GPR149: variants seen among roughly 807,000 people sequenced by gnomAD.
GPR149 encodes G protein-coupled receptor 149, also known as probable G protein-coupled receptor 149.
A neutral mutation model predicts 50.2 loss-of-function variants in GPR149; 50 were observed. The ratio of observed to expected loss-of-function variants is 1.00; its 90% CI spans 0.79 to 1.26. The LOEUF (loss-of-function observed/expected upper bound fraction) is 1.26, where lower values mean the gene tolerates loss of function less well. Among genes scored for constraint, GPR149 ranks in the 50% most tolerant of loss-of-function variants. GPR149 has a pLI of 0.00. For synonymous variants in GPR149, 405 were observed against 358.2 expected, an observed-to-expected ratio of 1.13 and a Z score of -1.48; for missense variants, 983 against 895.4, an observed-to-expected ratio of 1.10 and a Z score of -1.25.
In GPR149 at chr3:154,340,978, C is replaced by T. The variant is rs1713778110; in HGVS notation, c.1624-2707G>A. On this transcript the variant is annotated intron_variant, in intron 3 of 3. Coordinates refer to ENST00000389740, the MANE Select transcript of GPR149 (RefSeq NM_001038705.3). ...CTCATGAACTCCCTGCCTCGGCCTC[C>T]CAAAGGGCTGGGATTACAGGCGTGA... 2.6e-5 allele frequency among the ~76,000 whole-genome samples: 4 copies of T among 152,180 alleles called. No homozygotes were observed. In the South Asian group the frequency reaches 8.3e-4, roughly 32 times the overall value.
chr3:154,428,815 G>T lies in GPR149; in HGVS notation c.801C>A (p.Cys267Ter). The change falls in exon 1 of 4, where the codon TGC (cysteine) becomes TGA (stop). Residue 267 changes from cysteine (C) to a stop codon, truncating the protein, a stop_gained. Coordinates refer to ENST00000389740, the MANE Select transcript of GPR149 (RefSeq NM_001038705.3). LOFTEE classifies it high-confidence loss of function. ...PGPSLRRSGGCSPSSDTVFGP... is the reference protein window; with the variant it reads ...PGPSLRRSGG The stretch of plus-strand genomic sequence containing the variant: ...CGAACACGGTGTCGGAGCTCGGAGA[G>T]CATCCCCCAGAGCGCCGCAGACTCG... 6.2e-7 allele frequency: 1 copy of T among 1,613,806 alleles called. No individual in the cohort carries two copies. Among genetic ancestry groups the T allele is most frequent in the South Asian group, 1.1e-5 (1 of 91,072 alleles).
chr3:154,345,347 A>G (rs1217377887), intron 3 of GPR149, among the ~76,000 whole-genome samples: 1 of 152,234 alleles, frequency 6.6e-6, no homozygotes, highest in Non-Finnish European at 1.5e-5. Flanking sequence ...TTATGAAAAT[A>G]AAATATTATG....
chr3:154,428,229 C>G (rs912595348), intron 1 of GPR149, among the ~76,000 whole-genome samples: 2 of 152,190 alleles, frequency 1.3e-5, no homozygotes, highest in Admixed American at 6.5e-5. Flanking sequence ...GGGCGTCGTC[C>G]TCTCTAGGCG....
intron 3 of GPR149, among the ~76,000 whole-genome samples, chr3:154,364,112 T>C (rs1714476664): frequency 6.6e-6 from 1 of 152,156 alleles, no homozygotes; most frequent in African/African-American, 2.4e-5. Flanking sequence ...AACCAAGGTA[T>C]GGGAGTGAAG....
intron 3 of GPR149, among the ~76,000 whole-genome samples, chr3:154,340,374 G>T (rs535489874): frequency 6.6e-6 from 1 of 152,354 alleles, no homozygotes; most frequent in African/African-American, 2.4e-5. Context: ...GGACCACACA[G>T]GTTCATCACA....
At position 154,335,190 on chromosome 3, in the gene GPR149, C is replaced by G. The variant is rs1422194282; in HGVS notation, c.*2509G>C. 1 of 151,936 alleles carries G rather than the reference C, an allele frequency of 6.6e-6. No homozygotes were observed. Among genetic ancestry groups the G allele is most frequent in the Non-Finnish European group, 1.5e-5 (1 of 67,966 alleles). 9.4% of individuals were successfully genotyped at this position (151,936 alleles called of 1,614,324 possible). On this transcript the variant is annotated 3_prime_UTR_variant, in exon 4 of 4. Transcript: ENST00000389740. Reference sequence around the variant, plus strand: ...ATCAATTTATAGAGAAAAGAGAAAACTATACAAAATATAGTATTTATTAAT... The same window carrying G: ...ATCAATTTATAGAGAAAAGAGAAAAGTATACAAAATATAGTATTTATTAAT...
intron 3 of GPR149, among the ~76,000 whole-genome samples, chr3:154,385,300 T>C (rs696852): frequency 0.96 from 145,870 of 152,284 alleles, 69,966 homozygotes; most frequent in East Asian, 1. Context: ...ATGGAAAATT[T>C]AGAGCGGGCT....
rs577378852 is a variant in GPR149, at chr3:154,357,743, G to A, written c.1624-19472C>T. On this transcript the variant is annotated intron_variant, in intron 3 of 3. Transcript: ENST00000389740. ...GGAAGTCAGTGTGGCAATGGCTCAG[G>A]CATCTAGAACTAGAAATACCATTTG... Among the ~76,000 whole-genome samples, 190 of 152,314 alleles carry A rather than the reference G, an allele frequency of 1.2e-3. 1 individual carries two copies. The highest frequency in any genetic ancestry group is 4.3e-3 in the African/African-American group (178 of 41,570).
chr3:154,347,760 A>T (rs1713969994), intron 3 of GPR149, among the ~76,000 whole-genome samples: 2 of 152,238 alleles, frequency 1.3e-5, no homozygotes, highest in African/African-American at 2.4e-5. Context: ...GATGCCACTG[A>T]GGATCTAAGA....
chr3:154,387,620 A>G (rs1364357361), intron 3 of GPR149, among the ~76,000 whole-genome samples: 1 of 152,160 alleles, frequency 6.6e-6, no homozygotes, highest in East Asian at 1.9e-4. Flanking sequence ...CAGTTCAATC[A>G]TCTACTATCT....
intron 3 of GPR149, 65 bp downstream of exon 3, chr3:154,420,974 G>A: frequency 8.5e-7 from 1 of 1,172,316 alleles, no homozygotes; most frequent in Non-Finnish European, 1.2e-6. Context: ...AACTGATAAT[G>A]TTTTTCATGA....
At chr3:154,423,956 G>A (rs558814287) in intron 2 of GPR149, among the ~76,000 whole-genome samples, 7 of 151,820 alleles carry the variant, frequency 4.6e-5, no homozygotes, top group South Asian at 2.1e-4. Flanking sequence ...CCATTAACTC[G>A]TCATTTACAT....
rs1405711717 is a variant in GPR149, at chr3:154,335,566, A to G, written c.*2133T>C. On this transcript the variant is annotated 3_prime_UTR_variant, in exon 4 of 4. Coordinates refer to ENST00000389740, the MANE Select transcript of GPR149 (RefSeq NM_001038705.3). ...TGCAGCAGAATTTTTATGTGCATCC[A>G]TTATACAGTTAATTCAACAACCAAG... 1 of 152,170 alleles carries G rather than the reference A, an allele frequency of 6.6e-6. No individual in the cohort carries two copies. Among genetic ancestry groups the G allele is most frequent in the East Asian group, 1.9e-4 (1 of 5,198 alleles). 9.4% of individuals were successfully genotyped at this position (152,170 alleles called of 1,614,324 possible).
At position 154,351,311 on chromosome 3, in the gene GPR149, T is replaced by TGCAAAAAAAAAAAAA. The variant is rs1341107044; in HGVS notation, c.1624-13041_1624-13040insTTTTTTTTTTTTTGC. ...GTGCTAGGGCAATTAGACATCCACA[T>TGCAAAAAAAAAAAAA]ACAAAAAAAAAAAAAAAAAAAAAAA... On this transcript the variant is annotated intron_variant, in intron 3 of 3. Coordinates refer to ENST00000389740, the MANE Select transcript of GPR149 (RefSeq NM_001038705.3). Among the ~76,000 whole-genome samples, 5 of 19,680 alleles carry TGCAAAAAAAAAAAAA rather than the reference T, an allele frequency of 2.5e-4. 2 individuals carry two copies. The highest frequency in any genetic ancestry group is 3.5e-4 in the Non-Finnish European group (4 of 11,340). 12.9% of individuals were successfully genotyped at this position (19,680 alleles called of 152,430 possible). A position where few individuals can be genotyped will look rare whatever the true frequency, so the allele number is the denominator to read the frequency against.
chr3:154,381,018 C>A (rs1211500576), intron 3 of GPR149, among the ~76,000 whole-genome samples: 1 of 152,198 alleles, frequency 6.6e-6, no homozygotes, highest in African/African-American at 2.4e-5. Flanking sequence ...CAGGTCTCCA[C>A]ACTCAGAATT....
At chr3:154,414,741 T>A (rs947779886) in intron 3 of GPR149, among the ~76,000 whole-genome samples, 3 of 151,898 alleles carry the variant, frequency 2.0e-5, no homozygotes, top group Non-Finnish European at 2.9e-5. Flanking sequence ...TTCTGTCAAT[T>A]GAAAAATAAG....
Position 154,336,216 on chromosome 3 carries a change from A to G in GPR149, c.*1483T>C, listed in dbSNP as rs1431358562. The G allele has an allele frequency of 6.6e-6, 1 of 152,116 alleles. No homozygotes were observed. Among genetic ancestry groups the G allele is most frequent in the Non-Finnish European group, 1.5e-5 (1 of 67,952 alleles). 9.4% of individuals were successfully genotyped at this position (152,116 alleles called of 1,614,324 possible). ...GATATTGAGAAGTTAAAGATTGAGA[A>G]AGTCCATTGAGATAATTATTTTGAA... On this transcript the variant is annotated 3_prime_UTR_variant, in exon 4 of 4. Coordinates refer to ENST00000389740, the MANE Select transcript of GPR149 (RefSeq NM_001038705.3).
At chr3:154,344,552 G>A (rs1273270304) in intron 3 of GPR149, among the ~76,000 whole-genome samples, 1 of 152,174 alleles carries the variant, frequency 6.6e-6, no homozygotes, top group Non-Finnish European at 1.5e-5. Flanking sequence ...TTTTGCAGGT[G>A]TAAGCAAGTT....
chr3:154,389,491 A>G (rs1715116231), intron 3 of GPR149, among the ~76,000 whole-genome samples: 1 of 152,094 alleles, frequency 6.6e-6, no homozygotes, highest in Non-Finnish European at 1.5e-5. Flanking sequence ...CACCTGAGAT[A>G]CTGGCTTCTG....
Sources: gnomAD v4.1 joint callset for allele counts (sites outside exome capture counted in the v4.1 genomes callset) on GRCh38, gnomAD v4.1.1 for gene constraint, MANE v1.5 for transcripts, NCBI Gene and HGNC (gene_info 2026-07-23, HGNC 2026-07-21) for gene names.